ERMP1: variants seen among roughly 807,000 people sequenced by gnomAD.
The protein encoded by ERMP1 is Felix-ina.
Under a neutral mutation model 92.0 loss-of-function variants are expected in ERMP1, and 86 were observed. That is an observed-to-expected ratio of 0.93 (90% CI 0.79 to 1.12). ERMP1 has a LOEUF of 1.12. Ranked by LOEUF, ERMP1 falls within the 50% of genes most tolerant of loss-of-function variation. The pLI is 0.00. For synonymous variants in ERMP1, 530 were observed against 412.8 expected, an observed-to-expected ratio of 1.28 and a Z score of -3.44; for missense variants, 1,342 against 1,116.3, an observed-to-expected ratio of 1.20 and a Z score of -2.88.
At chr9:5,856,281 G>A (rs1167014712) in intron 6 of ERMP1, 3 of 265,028 alleles carry the variant, frequency 1.1e-5, no homozygotes, top group Admixed American at 5.3e-5. Context: ...ACTGTTCTCT[G>A]TTTATTGTTT....
chr9:5,863,999 C>G (rs911388984), intron 5 of ERMP1, among the ~76,000 whole-genome samples: 18 of 152,160 alleles, frequency 1.2e-4, no homozygotes, highest in Non-Finnish European at 8.8e-5. Flanking sequence ...CTATAAACAT[C>G]ACCATACTGG....
chr9:5,821,661 G>GA (rs1253517227), intron 4 of ERMP1, among the ~76,000 whole-genome samples: 1 of 152,090 alleles, frequency 6.6e-6, no homozygotes, highest in Non-Finnish European at 1.5e-5. Flanking sequence ...TATGTACATA[G>GA]AAAAAAATCT....
intron 13 of ERMP1, among the ~76,000 whole-genome samples, chr9:5,795,103 A>G (rs554120212): frequency 2.6e-5 from 4 of 152,340 alleles, no homozygotes; most frequent in Non-Finnish European, 4.4e-5. Context: ...TTGAAAATCA[A>G]TTAATGTCAT....
In ERMP1 at chr9:5,812,166, T is replaced by C; in HGVS notation, c.1073A>G (p.Asp358Gly). ...ENGYIYHTKY[D>G]TADRILTDSI... Reference sequence around the variant, plus strand: ...ATCTGTTAGAATTCTGTCCGCTGTGTCATACTTGGTGTGATAAATGTATCC... The same window carrying C: ...ATCTGTTAGAATTCTGTCCGCTGTGCCATACTTGGTGTGATAAATGTATCC... The change falls in exon 6 of 15, where the codon GAC becomes GGC. Residue 358 changes from aspartate (D) to glycine (G), a missense_variant. Coordinates refer to ENST00000339450, the MANE Select transcript of ERMP1 (RefSeq NM_024896.3). 6.2e-7 allele frequency: 1 copy of C among 1,611,766 alleles called. No individual in the cohort carries two copies. The highest frequency in any genetic ancestry group is 1.3e-5 in the African/African-American group (1 of 74,950).
At position 5,859,311 on chromosome 9, in the gene ERMP1, C is replaced by A. The variant is rs142542504; in HGVS notation, n.3199+157G>T. On this transcript the variant is annotated intron_variant and non_coding_transcript_variant, in intron 6 of 6. Coordinates refer to the ERMP1 transcript ENST00000690753. Reference sequence around the variant, plus strand: ...GCTACTCTCTTGGGAGTGACTTGTTCTTTTAACCTTTCAAAGCACTTCCCC... The same window carrying A: ...GCTACTCTCTTGGGAGTGACTTGTTATTTTAACCTTTCAAAGCACTTCCCC... Among the ~76,000 whole-genome samples, 829 of 152,078 alleles carry A rather than the reference C, an allele frequency of 5.5e-3. 3 individuals are homozygous for A. The highest frequency in any genetic ancestry group is 9.4e-3 in the Non-Finnish European group (640 of 67,988).
intron 5 of ERMP1, among the ~76,000 whole-genome samples, chr9:5,861,171 GT>G (rs1288373081): frequency 0.11 from 2,127 of 18,774 alleles, 29 homozygotes; most frequent in Non-Finnish European, 0.15. Flanking sequence ...GGCTTAGGGG[GT>G]GTGTGTGTGT....
chr9:5,812,805 T>A, intron 5 of ERMP1, 84 bp downstream of exon 5: 1 of 1,422,950 alleles, frequency 7.0e-7, no homozygotes, highest in Non-Finnish European at 9.9e-7. Context: ...CAGAAAATGC[T>A]GTTTACTCAC....
intron 13 of ERMP1, among the ~76,000 whole-genome samples, chr9:5,790,281 G>C (rs1828130773): frequency 6.7e-6 from 1 of 150,170 alleles, no homozygotes; most frequent in Non-Finnish European, 1.5e-5. Flanking sequence ...CCGGGTTCAA[G>C]TAAAATAATA....
chr9:5,810,110 T>A lies in ERMP1; in HGVS notation c.1449A>T (p.Ser483=), dbSNP rs1380288786. Residue 483 remains serine (S), a synonymous_variant, in exon 8 of 15, where the codon TCA becomes TCT. Coordinates refer to ENST00000339450, the MANE Select transcript of ERMP1 (RefSeq NM_024896.3). ...CGGAGACATAGAAGTGGTTATACCA[T>A]GAGAGAGACTGTCCAATAAGAGAGA... ...VFISLIGQSL[S]WYNHFYVSVC... is the part of the protein sequence containing the mutation. 1 of 1,613,708 alleles carries A rather than the reference T, an allele frequency of 6.2e-7. No homozygotes were observed. The highest frequency in any genetic ancestry group is 8.5e-7 in the Non-Finnish European group (1 of 1,179,744).
intron 13 of ERMP1, among the ~76,000 whole-genome samples, chr9:5,789,711 C>G (rs1014278495): frequency 3.3e-5 from 5 of 152,056 alleles, no homozygotes; most frequent in African/African-American, 1.2e-4. Context: ...CACAGCAGCC[C>G]ACTGCTCTAT....
chr9:5,798,717 A>G (rs1828547176), intron 12 of ERMP1, 89 bp downstream of exon 12: 1 of 797,574 alleles, frequency 1.3e-6, no homozygotes, highest in Non-Finnish European at 2.1e-6. Flanking sequence ...CTTGTATATT[A>G]AAGGATGGCA....
At chr9:5,861,290 G>A (rs1270519957) in intron 5 of ERMP1, among the ~76,000 whole-genome samples, 1 of 151,118 alleles carries the variant, frequency 6.6e-6, no homozygotes, top group Non-Finnish European at 1.5e-5. Flanking sequence ...TATTATCCCA[G>A]GATGTCATCA....
At chr9:5,805,287 G>T in intron 9 of ERMP1, 70 bp from the exon 10 acceptor site, 2 of 1,171,590 alleles carry the variant, frequency 1.7e-6, no homozygotes, top group Non-Finnish European at 2.4e-6. Context: ...TTATAGTACT[G>T]GTGTGCCTTG....
At chr9:5,834,703 A>ATG (rs766269385), upstream of ERMP1, among the ~76,000 whole-genome samples, 4,192 of 122,878 alleles carry the variant, frequency 0.034, 157 homozygotes, top group Admixed American at 0.074. Context: ...GTATGTATAT[A>ATG]TGTGTGTGTG....
At chr9:5,862,197 T>G (rs1830520460) in intron 5 of ERMP1, among the ~76,000 whole-genome samples, 1 of 151,412 alleles carries the variant, frequency 6.6e-6, no homozygotes, top group South Asian at 2.1e-4. Flanking sequence ...GCCTGGTTAA[T>G]TTTTAAATTA....
At chr9:5,788,409 G>A (rs190930362) in intron 13 of ERMP1, among the ~76,000 whole-genome samples, 111 of 152,000 alleles carry the variant, frequency 7.3e-4, no homozygotes, top group African/African-American at 2.5e-3. Flanking sequence ...AGCTTCTCAG[G>A]GAAAAATAAA....
In ERMP1 at chr9:5,797,883, G is replaced by A; in HGVS notation, c.2320C>T (p.His774Tyr). ...APEVSPRNPP[H>Y]FRLISKEQTP... is the part of the protein sequence containing the mutation. Reference sequence around the variant, plus strand: ...TGTTCTTTGGATATGAGTCGGAAATGAGGAGGATTTCTTGGAGAAACTTCT... The same window carrying A: ...TGTTCTTTGGATATGAGTCGGAAATAAGGAGGATTTCTTGGAGAAACTTCT... Residue 774 changes from histidine (H) to tyrosine (Y), a missense_variant, in exon 13 of 15, where the codon CAT becomes TAT. His to Tyr is a moderately conservative substitution (Grantham distance 83, BLOSUM62 2). Coordinates refer to ENST00000339450, the MANE Select transcript of ERMP1 (RefSeq NM_024896.3). 2 of 1,613,864 alleles carry A rather than the reference G, an allele frequency of 1.2e-6. No individual in the cohort carries two copies. The highest frequency in any genetic ancestry group is 1.7e-6 in the Non-Finnish European group (2 of 1,179,872).
At chr9:5,859,888 C>T (rs1378520322) in intron 5 of ERMP1, among the ~76,000 whole-genome samples, 1 of 152,204 alleles carries the variant, frequency 6.6e-6, no homozygotes, top group Non-Finnish European at 1.5e-5. Flanking sequence ...AATTTAAACA[C>T]AGCCTTAGAT....
chr9:5,810,371 G>A (rs1325095389), intron 7 of ERMP1, 140 bp from the exon 8 acceptor site: 2 of 621,908 alleles, frequency 3.2e-6, no homozygotes, highest in African/African-American at 1.8e-5. Flanking sequence ...TCCTAGTGTT[G>A]AGATTGGCCA....
Sources: gnomAD v4.1 joint callset for allele counts (sites outside exome capture counted in the v4.1 genomes callset) on GRCh38, gnomAD v4.1.1 for gene constraint, MANE v1.5 for transcripts, NCBI Gene and HGNC (gene_info 2026-07-23, HGNC 2026-07-21) for gene names.